The following DAB1 variants were observed in gnomAD, a reference collection of about 807,000 sequenced individuals.
DAB1 encodes the protein DAB adaptor protein 1.
Under a neutral mutation model 64.6 loss-of-function variants are expected in DAB1, and 15 were observed. The ratio of observed to expected loss-of-function variants is 0.23; its 90% confidence interval spans 0.16 to 0.36. The LOEUF is 0.36. Ranked by LOEUF, DAB1 falls within the 10% of genes least tolerant of loss-of-function variation. The pLI is 1.00. For missense variants in DAB1, 596 were observed against 706.7 expected, an observed-to-expected ratio of 0.84 and a Z score of 1.78; for synonymous variants, 235 against 251.9, an observed-to-expected ratio of 0.93 and a Z score of 0.64.
intron 6 of DAB1, among the ~76,000 whole-genome samples, chr1:57,786,162 T>C (rs1650327816): frequency 1.3e-5 from 2 of 152,200 alleles, no homozygotes. Context: ...ACACTGTCTT[T>C]TAAAGACATA....
intron 1 of DAB1, among the ~76,000 whole-genome samples, chr1:57,367,043 C>CAAAATAAAATA (rs1680060879): frequency 1.1e-5 from 1 of 91,670 alleles, no homozygotes. Flanking sequence ...CCTGTCTCCA[C>CAAAATAAAATA]AAAATAAAAT....
At chr1:57,811,327 C>T (rs1651610940) in intron 6 of DAB1, among the ~76,000 whole-genome samples, 3 of 152,148 alleles carry the variant, frequency 2.0e-5, no homozygotes, top group African/African-American at 7.2e-5. Context: ...AACACAATCC[C>T]CCTTGGTGCT....
intron 2 of DAB1, among the ~76,000 whole-genome samples, chr1:57,189,419 C>A (rs943607803): frequency 1.2e-4 from 19 of 152,118 alleles, no homozygotes; most frequent in Non-Finnish European, 2.1e-4. Flanking sequence ...AAGGCCAAGT[C>A]GTGTTAGCCC....
intron 4 of DAB1, among the ~76,000 whole-genome samples, chr1:57,127,602 T>A (rs139905384): frequency 6.6e-6 from 1 of 152,292 alleles, no homozygotes; most frequent in African/African-American, 2.4e-5. Flanking sequence ...CACCAATGTA[T>A]CCAAATCCCT....
chr1:57,002,191 T>C (rs1220353675), intron 14 of DAB1, among the ~76,000 whole-genome samples: 1 of 152,124 alleles, frequency 6.6e-6, no homozygotes, highest in Non-Finnish European at 1.5e-5. Context: ...CTCTAACCTT[T>C]CTGTAAGTGA....
At chr1:57,100,662 C>T (rs1192040590) in intron 4 of DAB1, among the ~76,000 whole-genome samples, 2 of 150,866 alleles carry the variant, frequency 1.3e-5, no homozygotes, top group South Asian at 4.2e-4. Context: ...GGAGAAGTTC[C>T]TAATTCCGCC....
At chr1:57,326,394 C>G (rs973977671) in intron 1 of DAB1, among the ~76,000 whole-genome samples, 7 of 152,156 alleles carry the variant, frequency 4.6e-5, no homozygotes, top group Non-Finnish European at 1.0e-4. Flanking sequence ...GAAAACTAGT[C>G]TATGGAGGTA....
intron 7 of DAB1, among the ~76,000 whole-genome samples, chr1:57,453,792 G>A (rs1324790195): frequency 6.6e-6 from 1 of 152,102 alleles, no homozygotes; most frequent in Non-Finnish European, 1.5e-5. Context: ...GGTATTGAAT[G>A]TATTTTTAGT....
chr1:57,621,012 GGTGT>G (rs1212363193), intron 7 of DAB1, among the ~76,000 whole-genome samples: 1 of 150,824 alleles, frequency 6.6e-6, no homozygotes, highest in Non-Finnish European at 1.5e-5. Context: ...TTTGTGTCTG[GGTGT>G]GTGTGTGTGT....
At chr1:57,983,334 T>C (rs1361268087) in intron 5 of DAB1, among the ~76,000 whole-genome samples, 4 of 152,168 alleles carry the variant, frequency 2.6e-5, no homozygotes, top group Non-Finnish European at 5.9e-5. Context: ...AAAGGGTCTC[T>C]TCCCAAACAT....
At chr1:57,572,763 AGTTTT>A (rs1419935523) in intron 7 of DAB1, among the ~76,000 whole-genome samples, 3 of 152,204 alleles carry the variant, frequency 2.0e-5, no homozygotes, top group Admixed American at 1.3e-4. Context: ...CGGGAAGCAC[AGTTTT>A]GGCATTTGCT....
chr1:58,473,362 G>A (rs1645382729), intron 3 of DAB1, among the ~76,000 whole-genome samples: 1 of 151,684 alleles, frequency 6.6e-6, no homozygotes, highest in South Asian at 2.1e-4. Context: ...CTAACAAGGT[G>A]AAACCCCGTC....
intron 2 of DAB1, among the ~76,000 whole-genome samples, chr1:57,255,046 T>C (rs1669659226): frequency 6.6e-6 from 1 of 152,200 alleles, no homozygotes; most frequent in Admixed American, 6.5e-5. Context: ...TTCAAAACAG[T>C]GCCTGACAAA....
chr1:57,273,553 G>GCCTT lies in DAB1; in HGVS notation c.67+17407_67+17410dup, dbSNP rs1191588175. 4.2e-3 allele frequency among the ~76,000 whole-genome samples: 263 copies of GCCTT among 61,922 alleles called. 4 individuals are homozygous for GCCTT. The highest frequency in any genetic ancestry group is 7.8e-3 in the East Asian group (20 of 2,552). 40.6% of individuals were successfully genotyped at this position (61,922 alleles called of 152,430 possible). On this transcript the variant is annotated intron_variant, in intron 2 of 14. Coordinates refer to ENST00000371236, the MANE Select transcript of DAB1 (RefSeq NM_001365792.1). ...TGCCTGCCTGCCTGCCTGCCTGCCT[G>GCCTT]CCTTCCTTCCTTCCTTCCTTCCTTC...
intron 6 of DAB1, among the ~76,000 whole-genome samples, chr1:57,769,337 A>C (rs572864621): frequency 3.6e-4 from 54 of 152,110 alleles, no homozygotes; most frequent in Non-Finnish European, 6.6e-4. Context: ...TAAATACTGA[A>C]TAATTCTGAC....
chr1:57,765,981 C>T (rs2101824076), intron 6 of DAB1, among the ~76,000 whole-genome samples: 1 of 152,072 alleles, frequency 6.6e-6, no homozygotes. Context: ...TCCCCAACCT[C>T]TAAACGTGGA....
intron 2 of DAB1, among the ~76,000 whole-genome samples, chr1:57,153,291 G>T (rs1384852857): frequency 6.6e-6 from 1 of 152,186 alleles, no homozygotes; most frequent in African/African-American, 2.4e-5. Context: ...CTCCCTGAGT[G>T]CTGGGATTAT....
At chr1:57,348,886 C>T (rs1038280566) in intron 1 of DAB1, among the ~76,000 whole-genome samples, 2 of 152,082 alleles carry the variant, frequency 1.3e-5, no homozygotes, top group Non-Finnish European at 2.9e-5. Context: ...CCATATGTGC[C>T]CTTGACCCAG....
At chr1:57,006,723 T>A (rs1175458608) in intron 14 of DAB1, among the ~76,000 whole-genome samples, 1 of 152,224 alleles carries the variant, frequency 6.6e-6, no homozygotes, top group African/African-American at 2.4e-5. Context: ...TGTTGTTTTG[T>A]GGTTCTTTAT....
Sources: gnomAD v4.1 joint callset for allele counts (sites outside exome capture counted in the v4.1 genomes callset) on GRCh38, gnomAD v4.1.1 for gene constraint, MANE v1.5 for transcripts, NCBI Gene and HGNC (gene_info 2026-07-23, HGNC 2026-07-21) for gene names.